Variants in NEXN observed in about 807,000 individuals in gnomAD.
NEXN encodes the protein nexilin F-actin binding protein.
NEXN carries 65 observed loss-of-function variants against 92.6 expected under a neutral mutation model. That is an observed-to-expected ratio of 0.70 (90% CI 0.57 to 0.86). NEXN has a LOEUF of 0.86. Among genes scored for constraint, NEXN ranks in the 40% least tolerant of loss-of-function variants. NEXN has a pLI of 0.00. For synonymous variants in NEXN, 254 were observed against 242.5 expected (o/e 1.05, Z -0.44); for missense variants, 778 against 771.1 (o/e 1.01, Z -0.11).
rs575750466 is a variant in NEXN at position 77,905,467 on chromosome 1, G to A, written c.-52-10588G>A. Among the ~76,000 whole-genome samples, 718 of 152,140 alleles carry A rather than the reference G, an allele frequency of 4.7e-3. 6 individuals carry two copies. Among genetic ancestry groups the A allele is most frequent in the Non-Finnish European group, 5.2e-3 (356 of 68,002 alleles). On this transcript the variant is annotated intron_variant, in intron 1 of 12. Transcript: ENST00000334785. Reference sequence around the variant, plus strand: ...GCACTTTGGGAGGCTAAGGTGGGAGGATCACTTGGGCCCAGAAGTTAAAGA... The same window carrying A: ...GCACTTTGGGAGGCTAAGGTGGGAGAATCACTTGGGCCCAGAAGTTAAAGA...
At chr1:77,900,475 C>G (rs1271757411) in intron 1 of NEXN, among the ~76,000 whole-genome samples, 1 of 152,128 alleles carries the variant, frequency 6.6e-6, no homozygotes, top group African/African-American at 2.4e-5. Context: ...TTATTTGTTT[C>G]GTATCCCATT....
Position 77,915,494 on chromosome 1 carries a change from C to T in NEXN, c.-52-561C>T, listed in dbSNP as rs182786389. 6.3e-3 allele frequency among the ~76,000 whole-genome samples: 942 copies of T among 150,514 alleles called. 10 individuals carry two copies. The highest frequency in any genetic ancestry group is 0.022 in the African/African-American group (887 of 40,860). Reference sequence around the variant, plus strand: ...AATACAAAAAATTAGCCGGACGTGGCGGCACACGCCTGTAGTCCCAGCTAC... The same window carrying T: ...AATACAAAAAATTAGCCGGACGTGGTGGCACACGCCTGTAGTCCCAGCTAC... On this transcript the variant is annotated intron_variant, in intron 1 of 12. Transcript: ENST00000334785.
intron 1 of NEXN, among the ~76,000 whole-genome samples, chr1:77,908,394 A>ATTTTTTT (rs34361411): frequency 8.3e-5 from 3 of 36,306 alleles, no homozygotes; most frequent in Admixed American, 4.0e-4. Context: ...CCCTACCTCT[A>ATTTTTTT]TTTTTTTTTT....
At chr1:77,889,583 C>T (rs1397765525) in intron 1 of NEXN, 1 of 152,060 alleles carries the variant, frequency 6.6e-6, no homozygotes, top group Non-Finnish European at 1.5e-5. Flanking sequence ...AAGAAAATGA[C>T]GAAGTTGAGA....
rs749271412 is a variant in NEXN at position 77,942,798 on chromosome 1, C to A, written c.1997C>A (p.Thr666Asn). 1.1e-5 allele frequency: 17 copies of A among 1,610,440 alleles called. No homozygotes were observed. In the East Asian group the frequency reaches 3.3e-4, roughly 32 times the overall value. ...AVNNKGSAAS[T>N]CILTIESKN ...AACAATAAAGGATCTGCAGCTAGTA[C>A]CTGTATTCTTACCATTGAAAGTAAG... The change falls in exon 13 of 13, where the codon ACC (threonine) becomes AAC (asparagine). Residue 666 changes from threonine (T) to asparagine (N), a missense_variant. Transcript: ENST00000334785.
At chr1:77,899,173 A>C (rs2102042844) in intron 1 of NEXN, among the ~76,000 whole-genome samples, 1 of 152,292 alleles carries the variant, frequency 6.6e-6, no homozygotes, top group East Asian at 1.9e-4. Context: ...TACCCAAAGG[A>C]CTATAAATCA....
Position 77,891,361 on chromosome 1 carries a change from C to G in NEXN, c.-53+2602C>G, listed in dbSNP as rs561504127. ...CCATGCATAGAACTCTTTCTTTTTG[C>G]ATTGACATATCTCAATAAAACAACA... On this transcript the variant is annotated intron_variant, in intron 1 of 12. Transcript: ENST00000334785. 5.9e-5 allele frequency among the ~76,000 whole-genome samples: 9 copies of G among 152,174 alleles called. No homozygotes were observed. The South Asian group carries it at 1.9e-3, about 32-fold the overall frequency.
chr1:77,939,740 A>G (rs533709352), intron 11 of NEXN, among the ~76,000 whole-genome samples: 43 of 152,288 alleles, frequency 2.8e-4, no homozygotes, highest in African/African-American at 8.9e-4. Flanking sequence ...CCCTCCTATC[A>G]TATCTTTCTG....
At chr1:77,904,798 T>G (rs1647984241) in intron 1 of NEXN, among the ~76,000 whole-genome samples, 1 of 152,228 alleles carries the variant, frequency 6.6e-6, no homozygotes, top group Admixed American at 6.5e-5. Flanking sequence ...GAACCTTACC[T>G]GTGTTTGCAA....
intron 1 of NEXN, among the ~76,000 whole-genome samples, chr1:77,899,193 A>G (rs757057016): frequency 2.2e-4 from 34 of 152,276 alleles, no homozygotes; most frequent in Admixed American, 1.5e-3. Context: ...ATGCTGCTAT[A>G]AAGACACATG....
intron 1 of NEXN, among the ~76,000 whole-genome samples, chr1:77,893,823 TG>T (rs1647160584): frequency 6.6e-6 from 1 of 152,022 alleles, no homozygotes; most frequent in Non-Finnish European, 1.5e-5. Flanking sequence ...AAAAGATTCT[TG>T]ATTTTCTTTC....
chr1:77,895,367 T>C (rs1647210883), intron 1 of NEXN, among the ~76,000 whole-genome samples: 1 of 152,050 alleles, frequency 6.6e-6, no homozygotes, highest in Non-Finnish European at 1.5e-5. Context: ...ATTTTTAAAG[T>C]ATAAGGTTGC....
chr1:77,941,776 G>C, intron 11 of NEXN: 1 of 489,510 alleles, frequency 2.0e-6, no homozygotes, highest in Non-Finnish European at 3.7e-6. Flanking sequence ...AAACAGGCTA[G>C]GATCCCAGTG....
chr1:77,893,671 T>C (rs982901373), intron 1 of NEXN, among the ~76,000 whole-genome samples: 4 of 152,106 alleles, frequency 2.6e-5, no homozygotes, highest in South Asian at 2.1e-4. Flanking sequence ...ACTAAAACTA[T>C]AGAGAGGAAT....
intron 1 of NEXN, among the ~76,000 whole-genome samples, chr1:77,904,060 C>G (rs964083224): frequency 6.6e-6 from 1 of 151,930 alleles, no homozygotes; most frequent in Non-Finnish European, 1.5e-5. Flanking sequence ...TGGTGCAATC[C>G]TGGCTCACTG....
Position 77,935,895 on chromosome 1 carries a change from T to A in NEXN, c.1324T>A (p.Ser442Thr). 2 of 1,613,912 alleles carry A rather than the reference T, an allele frequency of 1.2e-6. No individual in the cohort carries two copies. The highest frequency in any genetic ancestry group is 1.7e-6 in the Non-Finnish European group (2 of 1,179,962). Reference protein sequence around the residue: ...EELIKLKRSGSIQAKNLKSKF... With the variant: ...EELIKLKRSGTIQAKNLKSKF... ...ACTGATCAAATTAAAAAGGAGTGGC[T>A]CTATTCAAGCTAAAAACCTAAAAAG... The change falls in exon 11 of 13, where the codon TCT (serine) becomes ACT (threonine). Residue 442 changes from serine (S) to threonine (T), a missense_variant. Ser to Thr is a moderately conservative substitution (Grantham distance 58). Transcript: ENST00000334785.
chr1:77,889,505 C>T (rs934410957), intron 1 of NEXN: 2 of 152,118 alleles, frequency 1.3e-5, no homozygotes, highest in Non-Finnish European at 2.9e-5. Flanking sequence ...CTTTTGAAAA[C>T]GCCAAACCAT....
chr1:77,930,067 T>C lies in NEXN; in HGVS notation c.1053+563T>C, dbSNP rs144985515. On this transcript the variant is annotated intron_variant, in intron 9 of 12. Coordinates refer to ENST00000334785, the MANE Select transcript of NEXN (RefSeq NM_144573.4). ...GACTGTACTTCCTATACCAGTTTTA[T>C]GTTTGTACAATGTACAGTTATCTGA... Among the ~76,000 whole-genome samples the C allele has an allele frequency of 1.6e-3, 244 of 152,372 alleles. 1 individual carries two copies. Among genetic ancestry groups the C allele is most frequent in the Non-Finnish European group, 2.6e-3 (179 of 68,036 alleles).
intron 5 of NEXN, among the ~76,000 whole-genome samples, chr1:77,923,461 T>C (rs1649599966): frequency 6.6e-6 from 1 of 152,054 alleles, no homozygotes; most frequent in South Asian, 2.1e-4. Flanking sequence ...CTTTCATTGG[T>C]TTTAAAAGTC....
Sources: gnomAD v4.1 joint callset for allele counts (sites outside exome capture counted in the v4.1 genomes callset) on GRCh38, gnomAD v4.1.1 for gene constraint, MANE v1.5 for transcripts, NCBI Gene and HGNC (gene_info 2026-07-23, HGNC 2026-07-21) for gene names.